COPB2: variants seen among roughly 807,000 people sequenced by gnomAD.
The protein encoded by COPB2 is coatomer subunit beta'.
A neutral mutation model predicts 120.8 loss-of-function variants in COPB2; 16 were observed. The observed-to-expected ratio is 0.13, with a 90% confidence interval of 0.09 to 0.20. The LOEUF is 0.20. COPB2 is among the 10% of genes least tolerant of loss of function. The pLI, the probability that COPB2 is intolerant of heterozygous loss-of-function variation, is 1.00. For synonymous variants in COPB2, 332 were observed against 366.3 expected (o/e 0.91, Z 1.07); for missense variants, 794 against 1,076.5 (o/e 0.74, Z 3.67).
chr3:139,389,669 C>A (rs567015896), upstream of COPB2: 2 of 1,115,648 alleles, frequency 1.8e-6, no homozygotes, highest in South Asian at 1.7e-5. Flanking sequence ...GGAGCCGATT[C>A]TCGCGATAGT....
intron 19 of COPB2, 63 bp from the exon 20 acceptor site, chr3:139,358,875 T>C (rs2107795209): frequency 6.4e-7 from 1 of 1,563,764 alleles, no homozygotes; most frequent in East Asian, 2.2e-5. Flanking sequence ...CCTATGAACT[T>C]GGCCTAAATC....
In COPB2 at chr3:139,357,876, A is replaced by C. The variant is rs1348663778; in HGVS notation, c.2708T>G (p.Ile903Ser). Residue 903 changes from isoleucine to serine, a missense_variant, in exon 22 of 22, where the codon ATT becomes AGT. Physicochemically the swap from Ile to Ser is moderately radical, Grantham distance 142 (BLOSUM62 -2). Transcript: ENST00000333188. ...AAAGCATTACAGTCAATCATCCAAAATATCTTCATCCAGATTGATATCTGT... is the reference window on the plus strand; with the variant it reads ...AAAGCATTACAGTCAATCATCCAAACTATCTTCATCCAGATTGATATCTGT... ...DTTDINLDED[I>S]LDD The C allele has an allele frequency of 6.4e-7, 1 of 1,573,038 alleles. No homozygotes were observed. The highest frequency in any genetic ancestry group is 1.7e-5 in the Admixed American group (1 of 58,552).
chr3:139,379,014 A>C, intron 4 of COPB2, 33 bp downstream of exon 4: 1 of 1,546,122 alleles, frequency 6.5e-7, no homozygotes, highest in Non-Finnish European at 8.7e-7. Flanking sequence ...TTACCCAAAG[A>C]GACGCACATG....
intron 17 of COPB2, among the ~76,000 whole-genome samples, chr3:139,360,517 CAAAAAAA>C (rs11439096): frequency 1.0e-4 from 9 of 88,402 alleles, no homozygotes; most frequent in African/African-American, 4.0e-4. Flanking sequence ...GATTCCATCT[CAAAAAAA>C]AAAAAAAAAA....
rs756427797 is a variant in COPB2, at chr3:139,373,681, C to T, written c.879G>A (p.Gly293=). 6 of 1,614,100 alleles carry T rather than the reference C, an allele frequency of 3.7e-6. No homozygotes were observed. The South Asian group carries it at 6.6e-5, about 18-fold the overall frequency. Residue 293 remains glycine (G), a synonymous_variant, in exon 8 of 22, where the codon GGG becomes GGA. Coordinates refer to ENST00000333188, the MANE Select transcript of COPB2 (RefSeq NM_004766.3). ...GTATAATTACCTTAACAATGATGCT[C>T]CCTTCATCATAGCCCAAAGCGACAT... The part of the protein sequence containing the change: ...SNNVALGYDE[G]SIIVKLGREE...
rs544061048 is a variant in COPB2, at chr3:139,389,360, C to T, written c.3+188G>A. On this transcript the variant is annotated intron_variant, in intron 1 of 21. Coordinates refer to ENST00000333188, the MANE Select transcript of COPB2 (RefSeq NM_004766.3). ...ACTAGCAGGCTTTGCCTCCCCAAAT[C>T]ACCCCGGTCCCCTAGGCCCCACCGC... 8.4e-5 allele frequency: 80 copies of T among 955,756 alleles called. No individual in the cohort carries two copies. The African/African-American group carries it at 1.3e-3, about 15-fold the overall frequency. The allele number at this position is 955,756 out of a possible 1,614,324, so 59.2% of individuals were successfully genotyped here.
intron 8 of COPB2, 68 bp from the exon 9 acceptor site, chr3:139,373,480 A>T: frequency 6.4e-7 from 1 of 1,567,464 alleles, no homozygotes; most frequent in Non-Finnish European, 8.7e-7. Flanking sequence ...AAAACAGATT[A>T]TTTTTTTCAC....
At chr3:139,375,878 C>T (rs949461746) in intron 5 of COPB2, among the ~76,000 whole-genome samples, 3 of 152,106 alleles carry the variant, frequency 2.0e-5, no homozygotes, top group African/African-American at 4.8e-5. Flanking sequence ...TCCACAGTGA[C>T]GCCCAGGAAT....
At chr3:139,383,654 T>G (rs1941854817) in intron 1 of COPB2, among the ~76,000 whole-genome samples, 1 of 152,148 alleles carries the variant, frequency 6.6e-6, no homozygotes, top group South Asian at 2.1e-4. Flanking sequence ...TCTTCAAGCT[T>G]TTTGCTCTAA....
intron 17 of COPB2, 86 bp from the exon 18 acceptor site, chr3:139,359,448 A>C: frequency 7.8e-7 from 1 of 1,285,152 alleles, no homozygotes; most frequent in South Asian, 1.3e-5. Flanking sequence ...TAGTGTTACA[A>C]AGCCAAAAAT....
rs1428823321 is a variant in COPB2, at chr3:139,383,288, A to G, written c.141+10T>C. 2.5e-6 allele frequency: 4 copies of G among 1,613,854 alleles called. No homozygotes were observed. The Admixed American group carries it at 5.0e-5, about 20-fold the overall frequency. On this transcript the variant is annotated intron_variant, in intron 2 of 21. Transcript: ENST00000333188. Reference sequence around the variant, plus strand: ...ATTTTATTTCTAATACAGTCCTGAAAAATTCCTACCTGTGTTTCATGATTC... The same window carrying G: ...ATTTTATTTCTAATACAGTCCTGAAGAATTCCTACCTGTGTTTCATGATTC...
intron 15 of COPB2, 67 bp from the exon 16 acceptor site, chr3:139,362,584 A>G (rs1941443543): frequency 3.2e-6 from 3 of 930,458 alleles, no homozygotes; most frequent in African/African-American, 3.4e-5. Context: ...TTATATATAT[A>G]TATATACACA....
chr3:139,364,169 G>C (rs1006943891), intron 15 of COPB2, among the ~76,000 whole-genome samples: 1 of 152,124 alleles, frequency 6.6e-6, no homozygotes, highest in Non-Finnish European at 1.5e-5. Context: ...AGAGAAAACA[G>C]ATCCTAAATC....
At position 139,369,439 on chromosome 3, in the gene COPB2, A is replaced by T. The variant is rs1941583034; in HGVS notation, c.1294+17T>A. On this transcript the variant is annotated intron_variant, in intron 11 of 21. Transcript: ENST00000333188. ...TACAAAGAATTTAAAAATGTATCAT[A>T]TGTAGATCACACTCACTTTCTGCTC... 6.2e-7 allele frequency: 1 copy of T among 1,606,710 alleles called. No individual in the cohort carries two copies. The highest frequency in any genetic ancestry group is 1.3e-5 in the African/African-American group (1 of 74,582).
In COPB2 at chr3:139,362,525, G is replaced by T; in HGVS notation, c.1885-8C>A. On this transcript the variant is annotated splice_polypyrimidine_tract_variant and splice_region_variant and intron_variant, in intron 15 of 21. Transcript: ENST00000333188. ...AGCTTGCTGCTTGAAGCCCTAAACAGATTTTTAAAAATTATATATATTTAT... is the reference window on the plus strand; with the variant it reads ...AGCTTGCTGCTTGAAGCCCTAAACATATTTTTAAAAATTATATATATTTAT... The T allele has an allele frequency of 1.3e-6, 2 of 1,576,368 alleles. No homozygotes were observed. Among genetic ancestry groups the T allele is most frequent in the South Asian group, 1.2e-5 (1 of 84,468 alleles).
chr3:139,378,971 A>T, intron 4 of COPB2, 76 bp downstream of exon 4: 1 of 1,423,126 alleles, frequency 7.0e-7, no homozygotes, highest in Non-Finnish European at 9.4e-7. Flanking sequence ...AACAGCAGTT[A>T]AAGCATAGCA....
At chr3:139,377,383 G>A (rs1166420906) in intron 5 of COPB2, among the ~76,000 whole-genome samples, 1 of 152,206 alleles carries the variant, frequency 6.6e-6, no homozygotes, top group Non-Finnish European at 1.5e-5. Context: ...TAAAAGCTGA[G>A]TAATTCTCCG....
At chr3:139,379,267 C>T in intron 3 of COPB2, 94 bp from the exon 4 acceptor site, 1 of 1,551,810 alleles carries the variant, frequency 6.4e-7, no homozygotes, top group Non-Finnish European at 8.8e-7. Context: ...GTCTATGCCT[C>T]AAAACATTGC....
chr3:139,362,093 A>T (rs908347131), intron 16 of COPB2, among the ~76,000 whole-genome samples: 7 of 152,228 alleles, frequency 4.6e-5, no homozygotes, highest in African/African-American at 1.7e-4. Context: ...CTGTACTCTT[A>T]GGCTTTCCAG....
Sources: allele counts gnomAD v4.1 joint callset (sites outside exome capture counted in the v4.1 genomes callset), GRCh38; gene constraint gnomAD v4.1.1; transcripts MANE v1.5; gene names NCBI Gene and HGNC (gene_info 2026-07-23, HGNC 2026-07-21).